Variants in AGBL4 observed in about 807,000 individuals in gnomAD.
AGBL4 encodes the protein AGBL carboxypeptidase 4.
AGBL4 carries 58 observed loss-of-function variants against 66.4 expected under a neutral mutation model. The observed-to-expected ratio is 0.87, with a 90% CI of 0.71 to 1.09. The LOEUF (loss-of-function observed/expected upper bound fraction) is 1.09, where lower values mean the gene tolerates loss of function less well. AGBL4 is among the 50% of genes least tolerant of loss of function. The pLI is 0.00. For missense variants in AGBL4, 579 were observed against 631.0 expected, an observed-to-expected ratio of 0.92 and a Z score of 0.88; for synonymous variants, 234 against 222.9, an observed-to-expected ratio of 1.05 and a Z score of -0.44.
intron 4 of AGBL4, among the ~76,000 whole-genome samples, chr1:49,237,740 G>T (rs1456095332): frequency 6.6e-6 from 1 of 151,216 alleles, no homozygotes; most frequent in African/African-American, 2.4e-5. Context: ...TCAATATAAG[G>T]CATATTTAGA....
chr1:49,372,204 G>C (rs1320266366), intron 3 of AGBL4, among the ~76,000 whole-genome samples: 2 of 152,048 alleles, frequency 1.3e-5, no homozygotes, highest in Non-Finnish European at 2.9e-5. Flanking sequence ...GAACGCTCAA[G>C]GCTCATGTTA....
intron 5 of AGBL4, among the ~76,000 whole-genome samples, chr1:48,952,148 G>A (rs1279305356): frequency 2.6e-5 from 4 of 152,190 alleles, no homozygotes; most frequent in African/African-American, 7.2e-5. Context: ...TGGAACAAGT[G>A]CACAATGTCT....
At chr1:49,520,030 C>T (rs2148798446) in intron 3 of AGBL4, among the ~76,000 whole-genome samples, 1 of 152,162 alleles carries the variant, frequency 6.6e-6, no homozygotes, top group African/African-American at 2.4e-5. Context: ...CAAGGTCTTG[C>T]TCAGATTCTA....
intron 6 of AGBL4, among the ~76,000 whole-genome samples, chr1:48,866,439 TA>T (rs1648095721): frequency 6.6e-6 from 1 of 152,182 alleles, no homozygotes; most frequent in South Asian, 2.1e-4. Flanking sequence ...AGATGGCTGT[TA>T]AATATTTTGA....
chr1:49,395,280 T>C (rs1413349802), intron 3 of AGBL4, among the ~76,000 whole-genome samples: 1 of 152,134 alleles, frequency 6.6e-6, no homozygotes, highest in African/African-American at 2.4e-5. Context: ...ACTTACATAC[T>C]GTAATATGAT....
Position 49,281,965 on chromosome 1 carries a change from A to C in AGBL4, c.283-36101T>G, listed in dbSNP as rs554593108. 2.6e-5 allele frequency among the ~76,000 whole-genome samples: 4 copies of C among 152,312 alleles called. No individual in the cohort carries two copies. The East Asian group carries it at 7.7e-4, about 29-fold the overall frequency. On this transcript the variant is annotated intron_variant, in intron 3 of 13. Transcript: ENST00000371839. ...CTGTGGAAACTGCCAATTTATAGGC[A>C]GTTGGTTAGAAGTATAGATGGCATC...
intron 6 of AGBL4, among the ~76,000 whole-genome samples, chr1:48,704,741 T>C (rs1049192074): frequency 6.6e-6 from 1 of 152,198 alleles, no homozygotes; most frequent in Admixed American, 6.5e-5. Flanking sequence ...ATGATAACAA[T>C]GCCTTCTGGA....
chr1:48,889,274 A>G (rs1273851577), intron 5 of AGBL4, among the ~76,000 whole-genome samples: 1 of 152,218 alleles, frequency 6.6e-6, no homozygotes, highest in Non-Finnish European at 1.5e-5. Context: ...CAGGTTTCGG[A>G]CGCACGCCTG....
intron 1 of AGBL4, among the ~76,000 whole-genome samples, chr1:49,913,608 C>T (rs1167543195): frequency 6.6e-6 from 1 of 152,252 alleles, no homozygotes; most frequent in African/African-American, 2.4e-5. Flanking sequence ...AGGATGGCCC[C>T]ATACCATGGT....
intron 3 of AGBL4, among the ~76,000 whole-genome samples, chr1:49,466,909 G>C (rs969134168): frequency 5.9e-5 from 9 of 151,834 alleles, no homozygotes; most frequent in Non-Finnish European, 1.3e-4. Context: ...AGTGTGCAGA[G>C]AAGGAAATTT....
At chr1:48,879,869 G>T (rs768835770) in intron 5 of AGBL4, among the ~76,000 whole-genome samples, 1 of 151,990 alleles carries the variant, frequency 6.6e-6, no homozygotes, top group South Asian at 2.1e-4. Flanking sequence ...TTTGATCATA[G>T]TATACAGTAT....
chr1:49,180,360 A>G (rs950627187), intron 4 of AGBL4, among the ~76,000 whole-genome samples: 1 of 152,360 alleles, frequency 6.6e-6, no homozygotes, highest in East Asian at 1.9e-4. Flanking sequence ...GTATCAACCA[A>G]TATATGAGGT....
At position 49,779,515 on chromosome 1, in the gene AGBL4, AG is replaced by A. The variant is rs1644283763; in HGVS notation, c.157+71880del. Among the ~76,000 whole-genome samples the A allele has an allele frequency of 2.6e-5, 4 of 152,074 alleles. No individual in the cohort carries two copies. In the South Asian group the frequency reaches 8.3e-4, roughly 32 times the overall value. ...GGAAAGGAGAGGCTGGGAGAGGAAG[AG>A]GGGAAAGAAATGGAAAAGCACTGAG... On this transcript the variant is annotated intron_variant, in intron 2 of 13. Transcript: ENST00000371839.
At chr1:49,495,664 TA>T (rs1436623649) in intron 3 of AGBL4, among the ~76,000 whole-genome samples, 1 of 151,930 alleles carries the variant, frequency 6.6e-6, no homozygotes, top group Non-Finnish European at 1.5e-5. Context: ...TGTACAATAA[TA>T]GGGGTCTTAA....
chr1:49,386,699 A>C (rs2148585061), intron 3 of AGBL4, among the ~76,000 whole-genome samples: 1 of 152,146 alleles, frequency 6.6e-6, no homozygotes, highest in Admixed American at 6.5e-5. Context: ...TTCAAAATGA[A>C]GTATTTATCA....
chr1:49,167,333 T>G (rs1270001917), intron 4 of AGBL4, among the ~76,000 whole-genome samples: 1 of 152,194 alleles, frequency 6.6e-6, no homozygotes, highest in Non-Finnish European at 1.5e-5. Context: ...TGCTCACATT[T>G]TTTCCATATG....
chr1:48,643,430 T>C lies in AGBL4; in HGVS notation c.840-8826A>G, dbSNP rs118095870. The stretch of plus-strand genomic sequence containing the variant: ...CATGCAACAGCCACACCAGAGCACT[T>C]GGCATTCCTCAAGGATCTCCACTCA... On this transcript the variant is annotated intron_variant, in intron 8 of 13. Transcript: ENST00000371839. Among the ~76,000 whole-genome samples, 30 of 152,224 alleles carry C rather than the reference T, an allele frequency of 2.0e-4. 1 individual carries two copies. In the East Asian group the frequency reaches 5.8e-3, roughly 30 times the overall value.
intron 1 of AGBL4, among the ~76,000 whole-genome samples, chr1:49,891,553 G>A (rs1648647869): frequency 6.6e-6 from 1 of 152,152 alleles, no homozygotes; most frequent in African/African-American, 2.4e-5. Context: ...AATAGTCCAA[G>A]GTTGAGGCAT....
At chr1:49,040,267 A>G (rs536885267) in intron 5 of AGBL4, among the ~76,000 whole-genome samples, 5 of 152,182 alleles carry the variant, frequency 3.3e-5, no homozygotes, top group African/African-American at 1.2e-4. Context: ...AATTAAAACC[A>G]TAAGGAGATA....
Sources: allele counts gnomAD v4.1 joint callset (sites outside exome capture counted in the v4.1 genomes callset), GRCh38; gene constraint gnomAD v4.1.1; transcripts MANE v1.5; gene names NCBI Gene and HGNC (gene_info 2026-07-23, HGNC 2026-07-21).